Variants in FAAH2 observed in about 807,000 individuals in gnomAD.
The protein encoded by FAAH2 is fatty acid amide hydrolase 2, also known as fatty-acid amide hydrolase 2.
FAAH2 carries 60 observed loss-of-function variants against 36.9 expected under a neutral mutation model. The ratio of observed to expected loss-of-function variants is 1.63; its 90% CI spans 1.32 to 2.02. FAAH2 has a LOEUF of 2.02. Among genes scored for constraint, FAAH2 ranks in the 30% most tolerant of loss-of-function variants. The pLI, the probability that FAAH2 is intolerant of heterozygous loss-of-function variation, is 0.00. For missense variants in FAAH2, 689 were observed against 397.5 expected, an observed-to-expected ratio of 1.73 and a Z score of -6.23; for synonymous variants, 214 against 143.8, an observed-to-expected ratio of 1.49 and a Z score of -3.49.
chrX:57,293,302 C>T (rs2052039563), intron 2 of FAAH2, among the ~76,000 whole-genome samples: 2 of 111,908 alleles, frequency 1.8e-5, no homozygotes, highest in African/African-American at 3.2e-5. Context: ...GAAAACCTAT[C>T]ATTTAACATG....
At chrX:57,460,653 A>T (rs779460213) in intron 10 of FAAH2, among the ~76,000 whole-genome samples, 1 of 112,030 alleles carries the variant, frequency 8.9e-6, no homozygotes, top group Middle Eastern at 4.6e-3. Flanking sequence ...TGAAGAAATC[A>T]CTAAATATGG....
intron 2 of FAAH2, among the ~76,000 whole-genome samples, chrX:57,299,405 A>C (rs1208951827): frequency 9.0e-6 from 1 of 111,627 alleles, no homozygotes; most frequent in Non-Finnish European, 1.9e-5. Flanking sequence ...AAATTCAACA[A>C]CACTTCATGC....
intron 10 of FAAH2, among the ~76,000 whole-genome samples, chrX:57,455,250 A>G (rs1260298409): frequency 1.8e-5 from 2 of 111,488 alleles, no homozygotes; most frequent in Admixed American, 1.9e-4. Context: ...ACAAGCAAGT[A>G]CTAAAGGAAT....
intron 5 of FAAH2, among the ~76,000 whole-genome samples, chrX:57,364,872 G>A (rs747460916): frequency 9.0e-6 from 1 of 111,596 alleles, no homozygotes. Context: ...TTGAGGGATT[G>A]TCTTGGTATT....
chrX:57,216,565 C>CGTATATATATAT, the FAAH2 span, among the ~76,000 whole-genome samples: 21 of 20,510 alleles, frequency 1.0e-3, no homozygotes, highest in African/African-American at 3.4e-3. Context: ...TATATATATA[C>CGTATATATATAT]GTATATGTAT....
intron 10 of FAAH2, among the ~76,000 whole-genome samples, chrX:57,459,466 G>T (rs1440180419): frequency 2.7e-5 from 3 of 112,413 alleles, no homozygotes; most frequent in Non-Finnish European, 5.6e-5. Flanking sequence ...TGACAAGGGG[G>T]TTTCTCCCAG....
the FAAH2 span, among the ~76,000 whole-genome samples, chrX:57,174,231 G>A: frequency 1.9e-5 from 2 of 107,721 alleles, no homozygotes; most frequent in African/African-American, 3.4e-5. Context: ...TTTGTTCTTG[G>A]CAGTTTTCTT....
At chrX:57,357,990 G>A (rs766490220) in intron 5 of FAAH2, among the ~76,000 whole-genome samples, 2 of 110,899 alleles carry the variant, frequency 1.8e-5, no homozygotes, top group East Asian at 5.7e-4. Flanking sequence ...ATACACCATG[G>A]AATACTATGC....
At chrX:57,123,937 CT>C in the FAAH2 span, among the ~76,000 whole-genome samples, 1 of 111,813 alleles carries the variant, frequency 8.9e-6, no homozygotes, top group Non-Finnish European at 1.9e-5. Context: ...CAAAAACTTT[CT>C]CCCATTCTGT....
At chrX:57,353,504 A>G (rs867650073) in intron 5 of FAAH2, among the ~76,000 whole-genome samples, 2 of 90,818 alleles carry the variant, frequency 2.2e-5, no homozygotes, top group Non-Finnish European at 4.6e-5. Context: ...AAAAAAAGAA[A>G]AAAAAGAAAA....
the FAAH2 span, among the ~76,000 whole-genome samples, chrX:57,235,944 C>A: frequency 1.1e-4 from 12 of 112,329 alleles, no homozygotes; most frequent in South Asian, 3.7e-4. Flanking sequence ...AAAACTTATT[C>A]TTTCTTTCTG....
intron 8 of FAAH2, among the ~76,000 whole-genome samples, chrX:57,433,913 T>A (rs1167740149): frequency 9.0e-6 from 1 of 111,451 alleles, no homozygotes; most frequent in Admixed American, 9.6e-5. Context: ...CCCTGGTTGC[T>A]CAGAAATCAA....
chrX:57,149,470 C>T, the FAAH2 span, among the ~76,000 whole-genome samples: 1 of 111,585 alleles, frequency 9.0e-6, no homozygotes, highest in South Asian at 3.7e-4. Flanking sequence ...TCAACTTCTT[C>T]CTGGTTTAGT....
chrX:57,372,928 T>C (rs1359285401), intron 5 of FAAH2, among the ~76,000 whole-genome samples: 3 of 110,523 alleles, frequency 2.7e-5, no homozygotes, highest in African/African-American at 9.9e-5. Flanking sequence ...CTTATGCCTT[T>C]ACATCCTCAT....
At chrX:57,228,338 G>T in the FAAH2 span, among the ~76,000 whole-genome samples, 5 of 111,215 alleles carry the variant, frequency 4.5e-5, no homozygotes, top group African/African-American at 1.6e-4. Context: ...CTCTATCCCT[G>T]TGTTTCGCTG....
At chrX:57,439,273 G>T (rs1472952555) in intron 8 of FAAH2, among the ~76,000 whole-genome samples, 1 of 110,254 alleles carries the variant, frequency 9.1e-6, no homozygotes, top group African/African-American at 3.3e-5. Flanking sequence ...GTTGTTTCCT[G>T]ACTTTTTAAT....
chrX:57,428,375 C>T (rs1346919952), intron 7 of FAAH2, among the ~76,000 whole-genome samples: 1 of 66,000 alleles, frequency 1.5e-5, no homozygotes, highest in Non-Finnish European at 4.4e-5. Context: ...TAATTTTGCA[C>T]AGAATTAGAA....
chrX:57,377,953 A>G (rs754343449), intron 5 of FAAH2, among the ~76,000 whole-genome samples: 24 of 111,762 alleles, frequency 2.1e-4, no homozygotes, highest in African/African-American at 7.8e-4. Flanking sequence ...TTATTGGTAT[A>G]TTGGAATGCT....
At chrX:57,207,557 C>T in the FAAH2 span, among the ~76,000 whole-genome samples, 2 of 112,224 alleles carry the variant, frequency 1.8e-5, no homozygotes, top group Admixed American at 1.9e-4. Context: ...TCCTCCTGTT[C>T]GTTTAGTTTT....
Sources: allele counts gnomAD v4.1 joint callset (sites outside exome capture counted in the v4.1 genomes callset), GRCh38; gene constraint gnomAD v4.1.1; transcripts MANE v1.5; gene names NCBI Gene and HGNC (gene_info 2026-07-23, HGNC 2026-07-21).